The following PRDM6 variants were observed in gnomAD, a reference collection of about 807,000 sequenced individuals.
The protein encoded by PRDM6 is PR/SET domain 6.
PRDM6 carries 25 observed loss-of-function variants against 60.8 expected under a neutral mutation model. The observed-to-expected ratio is 0.41, with a 90% CI of 0.30 to 0.57. The LOEUF is 0.57. PRDM6 is among the 20% of genes least tolerant of loss of function. PRDM6 has a pLI of 0.27. For missense variants in PRDM6, 839 were observed against 821.3 expected (o/e 1.02, Z -0.26); for synonymous variants, 407 against 357.4 (o/e 1.14, Z -1.57).
rs747561671 is a variant in PRDM6, at chr5:123,131,493, T to C, written c.901-24391T>C. 4.1e-4 allele frequency among the ~76,000 whole-genome samples: 63 copies of C among 152,220 alleles called. 1 individual carries two copies. The highest frequency in any genetic ancestry group is 5.9e-4 in the Non-Finnish European group (40 of 68,040). ...AAAAAAGAAAAGTTAAAGAAATTAT[T>C]ATTAATGTTGACAGCATTTACCGTA... On this transcript the variant is annotated intron_variant, in intron 3 of 7. Transcript: ENST00000407847.
At chr5:123,096,354 A>G (rs1280376304) in intron 2 of PRDM6, among the ~76,000 whole-genome samples, 2 of 151,920 alleles carry the variant, frequency 1.3e-5, no homozygotes, top group Non-Finnish European at 2.9e-5. Flanking sequence ...TCTCTTTCAA[A>G]CCTTTTCATG....
Position 123,152,959 on chromosome 5 carries a change from G to A in PRDM6, c.901-2925G>A, listed in dbSNP as rs114349020. 7.9e-3 allele frequency among the ~76,000 whole-genome samples: 1,197 copies of A among 152,172 alleles called. 22 individuals are homozygous for A. Among genetic ancestry groups the A allele is most frequent in the African/African-American group, 0.027 (1,116 of 41,524 alleles). The stretch of plus-strand genomic sequence containing the variant: ...ATTAGATTCAATACTGTTAAAATCC[G>A]CTTAAACAGGTAAGAATTAGGTCTC... On this transcript the variant is annotated intron_variant, in intron 3 of 7. Transcript: ENST00000407847.
intron 3 of PRDM6, among the ~76,000 whole-genome samples, chr5:123,115,982 A>G (rs1283879922): frequency 6.6e-6 from 1 of 152,242 alleles, no homozygotes; most frequent in Non-Finnish European, 1.5e-5. Context: ...CAATAATAGT[A>G]GGAATAACAG....
chr5:123,123,208 A>G (rs1229918589), intron 3 of PRDM6, among the ~76,000 whole-genome samples: 2 of 152,286 alleles, frequency 1.3e-5, no homozygotes, highest in South Asian at 2.1e-4. Context: ...ATTATAAACC[A>G]TTTGTATATC....
At chr5:123,112,484 C>T (rs953422881) in intron 3 of PRDM6, among the ~76,000 whole-genome samples, 14 of 152,162 alleles carry the variant, frequency 9.2e-5, no homozygotes, top group East Asian at 1.9e-4. Context: ...GGAAGTCATC[C>T]GAGCATGTAG....
chr5:123,164,265 GC>G (rs1272662028), intron 5 of PRDM6, among the ~76,000 whole-genome samples: 4 of 152,194 alleles, frequency 2.6e-5, no homozygotes, highest in Non-Finnish European at 2.9e-5. Flanking sequence ...AAGTCATTCA[GC>G]TGGGAGAAGT....
chr5:123,152,170 C>T (rs1245039899), intron 3 of PRDM6, among the ~76,000 whole-genome samples: 1 of 152,162 alleles, frequency 6.6e-6, no homozygotes, highest in Non-Finnish European at 1.5e-5. Flanking sequence ...GTGCCCCCAG[C>T]TGTAATGGAC....
In PRDM6 at chr5:123,090,260, G is replaced by T. The variant is rs546123493; in HGVS notation, c.246G>T (p.Thr82=). ...CCTCTCTCTCCTCCGCCTCGTCCAC[G>T]CCGGCTTCCTCTTCCACCTCCGCCT... ...RPASLSSASS[T]PASSSTSASS... The change falls in exon 2 of 8, where the codon ACG becomes ACT. Residue 82 remains threonine (T), a synonymous_variant. Transcript: ENST00000407847. The T allele has an allele frequency of 9.9e-5, 144 of 1,459,174 alleles. No individual in the cohort carries two copies. The African/African-American group carries it at 1.9e-3, about 20-fold the overall frequency. 90.4% of individuals were successfully genotyped at this position (1,459,174 alleles called of 1,614,324 possible).
At chr5:123,139,203 T>C (rs773244706) in intron 3 of PRDM6, among the ~76,000 whole-genome samples, 19 of 152,212 alleles carry the variant, frequency 1.2e-4, no homozygotes, top group Non-Finnish European at 2.4e-4. Flanking sequence ...TGTATTTCTT[T>C]ATAGCAGCGT....
At position 123,090,382 on chromosome 5, in the gene PRDM6, C is replaced by T. The variant is rs1432023351; in HGVS notation, c.368C>T (p.Ala123Val). The stretch of plus-strand genomic sequence containing the variant: ...CAGCTGCCGGTGTTCGCGCCTCTAG[C>T]CGCCGCTGCCGTCGCCGCCGAGCCG... ...VSQLPVFAPL[A>V]AAAVAAEPLP... is the part of the protein sequence containing the mutation. Residue 123 changes from alanine (A) to valine (V), a missense_variant, in exon 2 of 8, where the codon GCC becomes GTC. Ala to Val is a moderately conservative substitution (Grantham distance 64). Coordinates refer to ENST00000407847, the MANE Select transcript of PRDM6 (RefSeq NM_001136239.4). 16 of 1,464,902 alleles carry T rather than the reference C, an allele frequency of 1.1e-5. No individual in the cohort carries two copies. Among genetic ancestry groups the T allele is most frequent in the Non-Finnish European group, 1.4e-5 (16 of 1,114,340 alleles). 90.7% of individuals were successfully genotyped at this position (1,464,902 alleles called of 1,614,324 possible).
intron 3 of PRDM6, among the ~76,000 whole-genome samples, chr5:123,134,751 G>A (rs571540875): frequency 6.6e-6 from 1 of 152,102 alleles, no homozygotes. Context: ...GCTAAACAGT[G>A]TGTGGTTTAG....
intron 3 of PRDM6, among the ~76,000 whole-genome samples, chr5:123,128,260 T>A (rs558631078): frequency 2.8e-4 from 43 of 152,328 alleles, no homozygotes; most frequent in African/African-American, 1.0e-3. Flanking sequence ...GTAGCATGAT[T>A]TATAATCCTT....
At chr5:123,144,992 C>A (rs457178) in intron 3 of PRDM6, among the ~76,000 whole-genome samples, 2 of 152,184 alleles carry the variant, frequency 1.3e-5, no homozygotes, top group African/African-American at 2.4e-5. Flanking sequence ...GACAGACATT[C>A]CCAACACAAG....
chr5:123,098,951 G>A (rs772987712), intron 2 of PRDM6, among the ~76,000 whole-genome samples: 5 of 151,802 alleles, frequency 3.3e-5, no homozygotes, highest in Non-Finnish European at 5.9e-5. Context: ...GCTCTACCGG[G>A]CTGCAGGCTT....
At chr5:123,114,698 G>T (rs937462957) in intron 3 of PRDM6, among the ~76,000 whole-genome samples, 3 of 152,218 alleles carry the variant, frequency 2.0e-5, no homozygotes, top group African/African-American at 4.8e-5. Flanking sequence ...ATAGAAAAAT[G>T]AATGACTCTT....
rs191126135 is a variant in PRDM6 at position 123,128,036 on chromosome 5, G to A, written c.901-27848G>A. Among the ~76,000 whole-genome samples the A allele has an allele frequency of 1.2e-4, 18 of 151,980 alleles. No homozygotes were observed. In the East Asian group the frequency reaches 1.7e-3, roughly 15 times the overall value. On this transcript the variant is annotated intron_variant, in intron 3 of 7. Coordinates refer to ENST00000407847, the MANE Select transcript of PRDM6 (RefSeq NM_001136239.4). ...ATGCGGTGTTTGGTTTTCCGTCCTC[G>A]TGATAGTTTGCTGAGAATGATGGTT...
At chr5:123,182,327 T>A (rs1484769422) in intron 7 of PRDM6, among the ~76,000 whole-genome samples, 6 of 152,226 alleles carry the variant, frequency 3.9e-5, no homozygotes, top group Non-Finnish European at 7.3e-5. Context: ...CCTGTGCCTT[T>A]GAGCAAGAGA....
In PRDM6 at chr5:123,090,277, C is replaced by CCTCCGCCTG; in HGVS notation, c.271_272insGCTCCGCCT (p.Ala90_Ser91insCysSerAla). On this transcript the variant is annotated inframe_insertion, in exon 2 of 8. Coordinates refer to ENST00000407847, the MANE Select transcript of PRDM6 (RefSeq NM_001136239.4). ...TCGTCCACGCCGGCTTCCTCTTCCA[C>CCTCCGCCTG]CTCCGCCTCCTCCGCCTCCTCCTGC... The CCTCCGCCTG allele has an allele frequency of 7.1e-7, 1 of 1,405,796 alleles. No individual in the cohort carries two copies. 87.1% of individuals were successfully genotyped at this position (1,405,796 alleles called of 1,614,324 possible).
rs561197205 is a variant in PRDM6, at chr5:123,149,570, A to AGTG, written c.901-6312_901-6310dup. On this transcript the variant is annotated intron_variant, in intron 3 of 7. Coordinates refer to ENST00000407847, the MANE Select transcript of PRDM6 (RefSeq NM_001136239.4). ...GCTCCAGAAATGTTCTCAAAGGTAT[A>AGTG]GTGGGTGCCTATGTCTTTTGCATGA... is the stretch of plus-strand genomic sequence containing the variant. Among the ~76,000 whole-genome samples the AGTG allele has an allele frequency of 1.6e-4, 24 of 152,314 alleles. No homozygotes were observed. In the East Asian group the frequency reaches 4.6e-3, roughly 29 times the overall value.
Sources: gnomAD v4.1 joint callset for allele counts (sites outside exome capture counted in the v4.1 genomes callset) on GRCh38, gnomAD v4.1.1 for gene constraint, MANE v1.5 for transcripts, NCBI Gene and HGNC (gene_info 2026-07-23, HGNC 2026-07-21) for gene names.